NPAS2: variants seen among roughly 807,000 people sequenced by gnomAD.
NPAS2 encodes neuronal PAS domain-containing protein 2.
NPAS2 carries 23 observed loss-of-function variants against 107.5 expected under a neutral mutation model. The ratio of observed to expected loss-of-function variants is 0.21; its 90% CI spans 0.15 to 0.30. The LOEUF (loss-of-function observed/expected upper bound fraction) is 0.30, where lower values mean the gene tolerates loss of function less well. Ranked by LOEUF, NPAS2 falls within the 10% of genes least tolerant of loss-of-function variation. NPAS2 has a pLI of 1.00. For synonymous variants in NPAS2, 403 were observed against 417.5 expected (o/e 0.97, Z 0.42); for missense variants, 756 against 1,043.3 (o/e 0.72, Z 3.79).
At chr2:100,935,794 A>C (rs1171673644) in intron 4 of NPAS2, among the ~76,000 whole-genome samples, 1 of 152,240 alleles carries the variant, frequency 6.6e-6, no homozygotes, top group Non-Finnish European at 1.5e-5. Context: ...GATGACTTTA[A>C]AACATTTTTA....
intron 1 of NPAS2, among the ~76,000 whole-genome samples, chr2:100,858,148 A>G (rs114019556): frequency 0.015 from 2,271 of 152,304 alleles, 55 homozygotes; most frequent in African/African-American, 0.052. Context: ...CTTTTGCATC[A>G]TATCAGGGAC....
chr2:100,920,836 C>T (rs1683177939), intron 2 of NPAS2, among the ~76,000 whole-genome samples: 1 of 152,228 alleles, frequency 6.6e-6, no homozygotes, highest in Admixed American at 6.5e-5. Context: ...CTCCAGAAGA[C>T]AAACTGGAAA....
intron 12 of NPAS2, among the ~76,000 whole-genome samples, chr2:100,971,672 CCA>C (rs1676574458): frequency 6.6e-6 from 1 of 152,170 alleles, no homozygotes; most frequent in African/African-American, 2.4e-5. Flanking sequence ...GGCCTTCCCT[CCA>C]CAGAGTCTCT....
chr2:100,825,837 C>T (rs1034336416), intron 1 of NPAS2, among the ~76,000 whole-genome samples: 6 of 152,178 alleles, frequency 3.9e-5, no homozygotes. Context: ...ACTGGGCAGC[C>T]ATCAGCCACC....
At chr2:100,920,851 T>C (rs896963351) in intron 2 of NPAS2, among the ~76,000 whole-genome samples, 1 of 152,178 alleles carries the variant, frequency 6.6e-6, no homozygotes, top group Admixed American at 6.5e-5. Flanking sequence ...TGGAAATATT[T>C]GGTGAACAGC....
At chr2:100,908,350 C>A (rs1682303398) in intron 2 of NPAS2, among the ~76,000 whole-genome samples, 2 of 152,120 alleles carry the variant, frequency 1.3e-5, no homozygotes, top group Admixed American at 6.6e-5. Flanking sequence ...TGCAGTAATT[C>A]TCCAAGCCTT....
rs1168429962 is a variant in NPAS2, at chr2:100,988,881, G to A, written c.1827+605G>A. ...CCTCCAGGCCTCTCTGCTCCTCCAG[G>A]CGCCCCCTGCCCCTCCAGGCCCCCA... On this transcript the variant is annotated intron_variant, in intron 17 of 20. Transcript: ENST00000335681. 4.1e-5 allele frequency: 9 copies of A among 220,920 alleles called. No homozygotes were observed. In the Admixed American group the frequency reaches 4.2e-4, roughly 10 times the overall value. 13.7% of individuals were successfully genotyped at this position (220,920 alleles called of 1,614,324 possible). A position where few individuals can be genotyped will look rare whatever the true frequency, so the allele number is the denominator to read the frequency against.
intron 1 of NPAS2, among the ~76,000 whole-genome samples, chr2:100,902,141 C>T (rs1260029766): frequency 3.3e-5 from 5 of 152,112 alleles, no homozygotes; most frequent in Non-Finnish European, 7.4e-5. Flanking sequence ...TCATTGTCAC[C>T]CCCTAAACTT....
At chr2:100,911,895 G>C (rs962524435) in intron 2 of NPAS2, among the ~76,000 whole-genome samples, 2 of 152,198 alleles carry the variant, frequency 1.3e-5, no homozygotes, top group Admixed American at 6.5e-5. Flanking sequence ...GCCTCCCAAA[G>C]TGCTGGGATT....
At position 100,995,960 on chromosome 2, in the gene NPAS2, A is replaced by T; in HGVS notation, c.*378A>T. The T allele has an allele frequency of 7.5e-7, 1 of 1,339,270 alleles. No homozygotes were observed. The highest frequency in any genetic ancestry group is 9.8e-7 in the Non-Finnish European group (1 of 1,022,618). 83.0% of individuals were successfully genotyped at this position (1,339,270 alleles called of 1,614,324 possible). On this transcript the variant is annotated 3_prime_UTR_variant, in exon 21 of 21. Coordinates refer to ENST00000335681, the MANE Select transcript of NPAS2 (RefSeq NM_002518.4). ...CGCCCATCTGCGCTAGCTGGCCTTC[A>T]CGCTCTTGATCGTCTTTCCTTTGTA...
intron 10 of NPAS2, among the ~76,000 whole-genome samples, chr2:100,966,507 GA>G (rs1441581626): frequency 6.6e-6 from 1 of 151,482 alleles, no homozygotes; most frequent in Non-Finnish European, 1.5e-5. Context: ...TAGGAACACT[GA>G]CCTATTGATC....
chr2:100,933,722 C>T lies in NPAS2; in HGVS notation c.273+721C>T, dbSNP rs566319402. Among the ~76,000 whole-genome samples the T allele has an allele frequency of 3.3e-5, 5 of 152,318 alleles. No homozygotes were observed. The East Asian group carries it at 9.7e-4, about 29-fold the overall frequency. On this transcript the variant is annotated intron_variant, in intron 4 of 20. Coordinates refer to ENST00000335681, the MANE Select transcript of NPAS2 (RefSeq NM_002518.4). ...CTCTACAGAAACAACTGCCAACGTG[C>T]TGTGGCTTCTCACCTGGAGATAAGT...
chr2:100,983,375 G>C (rs1198998277), intron 16 of NPAS2: 1 of 152,314 alleles, frequency 6.6e-6, no homozygotes, highest in African/African-American at 2.4e-5. Flanking sequence ...CAGTGGTGCA[G>C]GTGTCTGGGG....
At chr2:100,948,807 A>G (rs1399095066) in intron 6 of NPAS2, among the ~76,000 whole-genome samples, 3 of 152,310 alleles carry the variant, frequency 2.0e-5, no homozygotes, top group Admixed American at 6.5e-5. Flanking sequence ...ATTTATATAC[A>G]TTTTTGTGTT....
intron 7 of NPAS2, among the ~76,000 whole-genome samples, chr2:100,962,003 A>G (rs1675943382): frequency 6.6e-6 from 1 of 152,100 alleles, no homozygotes; most frequent in African/African-American, 2.4e-5. Flanking sequence ...GAAGTTTTCA[A>G]ATGTCTCTTT....
At chr2:100,962,397 C>T (rs185227775) in intron 7 of NPAS2, among the ~76,000 whole-genome samples, 8 of 152,248 alleles carry the variant, frequency 5.3e-5, no homozygotes, top group Admixed American at 3.3e-4. Context: ...TTCTGATGCT[C>T]GATATGTTCC....
chr2:100,887,299 C>T (rs554106432), intron 1 of NPAS2, among the ~76,000 whole-genome samples: 3 of 152,194 alleles, frequency 2.0e-5, no homozygotes, highest in Non-Finnish European at 2.9e-5. Context: ...GCCTTTCTGT[C>T]GGACAGCTAC....
chr2:100,851,933 A>G (rs1678200981), intron 1 of NPAS2, among the ~76,000 whole-genome samples: 1 of 152,196 alleles, frequency 6.6e-6, no homozygotes, highest in Admixed American at 6.5e-5. Flanking sequence ...AAGAAAGGAA[A>G]GCAATTGCCT....
At chr2:100,855,677 C>T (rs1190169472) in intron 1 of NPAS2, among the ~76,000 whole-genome samples, 1 of 152,148 alleles carries the variant, frequency 6.6e-6, no homozygotes, top group Non-Finnish European at 1.5e-5. Context: ...TCTGTCCTTC[C>T]ATCCATTCTT....
Sources: allele counts gnomAD v4.1 joint callset (sites outside exome capture counted in the v4.1 genomes callset), GRCh38; gene constraint gnomAD v4.1.1; transcripts MANE v1.5; gene names NCBI Gene and HGNC (gene_info 2026-07-23, HGNC 2026-07-21).